The following CDH23 variants were observed in gnomAD, a reference collection of about 807,000 sequenced individuals.
CDH23 encodes cadherin-23.
A neutral mutation model predicts 317.1 loss-of-function variants in CDH23; 189 were observed. The observed-to-expected ratio is 0.60, with a 90% confidence interval of 0.53 to 0.67. CDH23 has a LOEUF of 0.67. Among genes scored for constraint, CDH23 ranks in the 30% least tolerant of loss-of-function variants. The probability of loss-of-function intolerance (pLI) is 0.00; values close to 1 mark genes in which losing one functional copy is unlikely to be tolerated. For missense variants in CDH23, 4,401 were observed against 4,592.4 expected, an observed-to-expected ratio of 0.96 and a Z score of 1.20; for synonymous variants, 1,839 against 1,876.8, an observed-to-expected ratio of 0.98 and a Z score of 0.52.
intron 3 of CDH23, among the ~76,000 whole-genome samples, chr10:71,483,074 C>T (rs539359879): frequency 3.9e-5 from 6 of 152,292 alleles, no homozygotes; most frequent in South Asian, 2.1e-4. Flanking sequence ...CCCGTCCTGG[C>T]GGATGGAGGC....
intron 16 of CDH23, 31 bp downstream of exon 16, chr10:71,677,724 C>A (rs1314433686): frequency 6.7e-7 from 1 of 1,499,832 alleles, no homozygotes; most frequent in East Asian, 2.5e-5. Flanking sequence ...GCACTCCTGC[C>A]ATTTATCTTA....
rs7893748 is a variant in CDH23, at chr10:71,724,219, T to C, written c.3430+114T>C. The C allele has an allele frequency of 0.075, 83,186 of 1,103,368 alleles. 9,294 individuals carry two copies. Among genetic ancestry groups the C allele is most frequent in the African/African-American group, 0.39 (24,792 of 64,258 alleles). 68.3% of individuals were successfully genotyped at this position (1,103,368 alleles called of 1,614,324 possible). A position where few individuals can be genotyped will look rare whatever the true frequency, so the allele number is the denominator to read the frequency against. ...GGCCAAGAGAACCCCCAGGGCCATA[T>C]ACATGGGGCGAGGCCAGAGGGAGGA... On this transcript the variant is annotated intron_variant, in intron 29 of 69. Transcript: ENST00000224721.
At chr10:71,595,320 T>C (rs371359476) in intron 9 of CDH23, among the ~76,000 whole-genome samples, 41 of 152,252 alleles carry the variant, frequency 2.7e-4, no homozygotes, top group African/African-American at 9.1e-4. Context: ...ATCTTAGCGA[T>C]CTTTCTGTAT....
chr10:71,645,842 C>A lies in CDH23; in HGVS notation c.1152C>A (p.Ser384Arg). The change falls in exon 13 of 70, where the codon AGC becomes AGA. Residue 384 changes from serine (S) to arginine (R), a missense_variant. Transcript: ENST00000224721. ...VDKDENLGLN[S>R]MFEVYLVGNN... is the part of the protein sequence containing the mutation. ...CACTCTTGACCCAGGGCCTGAACAG[C>A]ATGTTTGAGGTGTACTTGGTGGGGA... The A allele has an allele frequency of 1.2e-6, 2 of 1,610,868 alleles. No individual in the cohort carries two copies. The highest frequency in any genetic ancestry group is 1.7e-4 in the Middle Eastern group (1 of 6,046).
At chr10:71,648,505 A>G (rs1863008383) in intron 14 of CDH23, among the ~76,000 whole-genome samples, 1 of 152,204 alleles carries the variant, frequency 6.6e-6, no homozygotes, top group African/African-American at 2.4e-5. Flanking sequence ...TGCTTGGGAC[A>G]GAGTTTCCTC....
chr10:71,768,589 C>T (rs544374357), intron 38 of CDH23, among the ~76,000 whole-genome samples: 3 of 152,252 alleles, frequency 2.0e-5, no homozygotes, highest in African/African-American at 7.2e-5. Flanking sequence ...TATCCTCCCA[C>T]CCCTGCCTCC....
At chr10:71,621,368 C>T (rs765128154) in intron 11 of CDH23, among the ~76,000 whole-genome samples, 4 of 152,198 alleles carry the variant, frequency 2.6e-5, no homozygotes, top group South Asian at 2.1e-4. Context: ...CACATGCCCA[C>T]GATTAGTGTG....
At chr10:71,506,185 G>A (rs570013877) in intron 3 of CDH23, among the ~76,000 whole-genome samples, 25 of 152,256 alleles carry the variant, frequency 1.6e-4, no homozygotes, top group African/African-American at 4.8e-4. Context: ...TAGGATAGGC[G>A]AATCCATAGA....
intron 1 of CDH23, among the ~76,000 whole-genome samples, chr10:71,425,247 GA>G (rs1849011188): frequency 2.8e-5 from 2 of 72,112 alleles, no homozygotes; most frequent in African/African-American, 5.6e-5. Flanking sequence ...GAGAGAGAGA[GA>G]GAGAGAGAGA....
chr10:71,716,352 C>A, intron 28 of CDH23: 1 of 1,461,660 alleles, frequency 6.8e-7, no homozygotes, highest in Non-Finnish European at 9.1e-7. Context: ...CCTGCAACAG[C>A]AACAAGACAG....
chr10:71,603,138 A>G (rs1860326761), intron 9 of CDH23, among the ~76,000 whole-genome samples: 1 of 151,942 alleles, frequency 6.6e-6, no homozygotes, highest in African/African-American at 2.4e-5. Flanking sequence ...CCCATGTCCC[A>G]TTGCTGGATT....
chr10:71,798,697 C>A, intron 50 of CDH23, 119 bp downstream of exon 50: 2 of 787,786 alleles, frequency 2.5e-6, no homozygotes, highest in Non-Finnish European at 2.0e-6. Flanking sequence ...TCCAAGATGG[C>A]CAGCATTCCA....
Position 71,702,051 on chromosome 10 carries a change from G to T in CDH23, c.2427G>T (p.Glu809Asp), listed in dbSNP as rs1436083706. The change falls in exon 23 of 70, where the codon GAG becomes GAT. Residue 809 changes from glutamate (E) to aspartate (D), a missense_variant. Transcript: ENST00000224721. The part of the protein sequence containing the change: ...TVVAVDPDLG[E>D]NGTLVYSIQP... ...TGGCTGTTGACCCAGACCTGGGGGA[G>T]AATGGCACCCTGGTGTACAGCATCC... 1.2e-6 allele frequency: 2 copies of T among 1,613,806 alleles called. No homozygotes were observed. The highest frequency in any genetic ancestry group is 1.3e-5 in the African/African-American group (1 of 75,040).
chr10:71,728,433 C>T (rs1346583570), intron 30 of CDH23, among the ~76,000 whole-genome samples: 1 of 152,192 alleles, frequency 6.6e-6, no homozygotes, highest in Non-Finnish European at 1.5e-5. Flanking sequence ...ACCCTCCCCA[C>T]CCCAGAGTCC....
rs1365319045 is a variant in CDH23, at chr10:71,663,410, G to A, written c.1450-11702G>A. On this transcript the variant is annotated intron_variant, in intron 14 of 69. Coordinates refer to ENST00000224721, the MANE Select transcript of CDH23 (RefSeq NM_022124.6). Reference sequence around the variant, plus strand: ...GAATGCCGTCTCCCCTGCATCTCAAGGCCCCACCTCTTCTTCCAGCTGCAG... The same window carrying A: ...GAATGCCGTCTCCCCTGCATCTCAAAGCCCCACCTCTTCTTCCAGCTGCAG... 3.3e-5 allele frequency among the ~76,000 whole-genome samples: 5 copies of A among 152,182 alleles called. No individual in the cohort carries two copies. In the East Asian group the frequency reaches 9.6e-4, roughly 29 times the overall value.
chr10:71,473,827 GCC>G (rs1449701497), intron 3 of CDH23, among the ~76,000 whole-genome samples: 1 of 152,098 alleles, frequency 6.6e-6, no homozygotes, highest in Non-Finnish European at 1.5e-5. Context: ...CCCACAGCTG[GCC>G]CCTGTGAGCA....
chr10:71,535,210 G>A (rs1413571319), intron 6 of CDH23, among the ~76,000 whole-genome samples: 1 of 152,248 alleles, frequency 6.6e-6, no homozygotes, highest in African/African-American at 2.4e-5. Flanking sequence ...GGTGGATGGT[G>A]CTTGTAACCT....
At position 71,780,546 on chromosome 10, in the gene CDH23, C is replaced by A. The variant is rs576726146; in HGVS notation, c.5368+1099C>A. On this transcript the variant is annotated intron_variant, in intron 41 of 69. Coordinates refer to ENST00000224721, the MANE Select transcript of CDH23 (RefSeq NM_022124.6). Reference sequence around the variant, plus strand: ...GGATGTTCACAGAGAAGCAAAAAGGCCTGCAGCTGGGGGAAAGTTGAGCAA... The same window carrying A: ...GGATGTTCACAGAGAAGCAAAAAGGACTGCAGCTGGGGGAAAGTTGAGCAA... Among the ~76,000 whole-genome samples, 16 of 152,182 alleles carry A rather than the reference C, an allele frequency of 1.1e-4. No homozygotes were observed. In the South Asian group the frequency reaches 2.5e-3, roughly 24 times the overall value.
chr10:71,801,070 T>C (rs1439791129), intron 53 of CDH23, among the ~76,000 whole-genome samples: 34 of 151,770 alleles, frequency 2.2e-4, no homozygotes, highest in Admixed American at 2.2e-3. Context: ...AGTATCACCA[T>C]AGTGTCCCAT....
Sources: gnomAD v4.1 joint callset for allele counts (sites outside exome capture counted in the v4.1 genomes callset) on GRCh38, gnomAD v4.1.1 for gene constraint, MANE v1.5 for transcripts, NCBI Gene and HGNC (gene_info 2026-07-23, HGNC 2026-07-21) for gene names.